Variants in TONSL observed in about 807,000 individuals in gnomAD.
The protein encoded by TONSL is tonsoku like, DNA repair protein.
In TONSL, 112 loss-of-function variants were observed where a neutral mutation model predicts 147.1. That is an observed-to-expected ratio of 0.76 (90% confidence interval 0.65 to 0.89). The LOEUF is 0.89. Among genes scored for constraint, TONSL ranks in the 40% least tolerant of loss-of-function variants. TONSL has a pLI of 0.00. For missense variants in TONSL, 1,883 were observed against 1,864.6 expected (o/e 1.01, Z -0.18); for synonymous variants, 868 against 801.5 (o/e 1.08, Z -1.40).
At position 144,443,213 on chromosome 8, in the gene TONSL, G is replaced by A. The variant is rs1028847297; in HGVS notation, c.373C>T (p.Gln125Ter). The A allele has an allele frequency of 6.4e-7, 1 of 1,550,822 alleles. No homozygotes were observed. Among genetic ancestry groups the A allele is most frequent in the Middle Eastern group, 1.7e-4 (1 of 5,990 alleles). ...GCCTGCAGCAAAGCATCCCTCGACT[G>A]GCAGTGGTCATAGATGTCCAGGTGG... is the stretch of plus-strand genomic sequence containing the variant. ...RTHLDIYDHC[Q>*]SRDALLQAQA... Residue 125 changes from glutamine to a stop codon, truncating the protein, a stop_gained, in exon 4 of 26, where the codon CAG (glutamine) becomes TAG (stop). Transcript: ENST00000409379. LOFTEE classifies it high-confidence loss of function.
chr8:144,431,832 CTTTTT>C (rs35278312), intron 23 of TONSL, among the ~76,000 whole-genome samples: 1 of 124,824 alleles, frequency 8.0e-6, no homozygotes. Flanking sequence ...CTTTTTCTTT[CTTTTT>C]TTTTTTTTTT....
chr8:144,437,192 C>A, intron 13 of TONSL, 93 bp from the exon 14 acceptor site: 1 of 1,324,278 alleles, frequency 7.6e-7, no homozygotes, highest in South Asian at 1.2e-5. Context: ...AGCCCAGGGC[C>A]TCAGTCTTAG....
At chr8:144,442,198 G>C (rs200220424) in intron 6 of TONSL, 43 bp downstream of exon 6, 1 of 1,592,550 alleles carries the variant, frequency 6.3e-7, no homozygotes, top group East Asian at 2.2e-5. Context: ...CCCAAGGCCC[G>C]AATCTACGAG....
chr8:144,438,483 G>A lies in TONSL; in HGVS notation c.1641C>T (p.Asp547=), dbSNP rs1405526449. 6.2e-7 allele frequency: 1 copy of A among 1,612,874 alleles called. No homozygotes were observed. The highest frequency in any genetic ancestry group is 2.2e-5 in the East Asian group (1 of 44,884). The change falls in exon 13 of 26, where the codon GAC becomes GAT. Residue 547 remains aspartate, a synonymous_variant. Transcript: ENST00000409379. ...GAGCGGGGCCCACCTGCCTCACAAG[G>A]TCCTGGACGCGGCGCAGCTGGCCCT... ...CIEGQLRRVQ[D]LVRQGHPLNP...
rs201793264 is a variant in TONSL, at chr8:144,435,617, C to G, written c.2775+41G>C. On this transcript the variant is annotated intron_variant, in intron 17 of 25. Transcript: ENST00000409379. The stretch of plus-strand genomic sequence containing the variant: ...GGGCTCCACCCTACACCTGCCTGCC[C>G]GGAGTGGGGAGAGGGCTCTGCTCCA... The G allele has an allele frequency of 1.7e-4, 273 of 1,577,866 alleles. 1 individual carries two copies. The African/African-American group carries it at 2.1e-3, about 12-fold the overall frequency.
At position 144,440,410 on chromosome 8, in the gene TONSL, C is replaced by T. The variant is rs1224663054; in HGVS notation, c.1231G>A (p.Ala411Thr). The change falls in exon 10 of 26, where the codon GCC becomes ACC. Residue 411 changes from alanine to threonine, a missense_variant. Coordinates refer to ENST00000409379, the MANE Select transcript of TONSL (RefSeq NM_013432.5). The part of the protein sequence containing the change: ...EEAGDAYELL[A>T]PCFQKALSCA... Reference sequence around the variant, plus strand: ...CTGAGCGCTTTCTGGAAGCACGGGGCCAGCAGCTCGTAGGCATCGCCGGCC... The same window carrying T: ...CTGAGCGCTTTCTGGAAGCACGGGGTCAGCAGCTCGTAGGCATCGCCGGCC... 9 of 1,608,710 alleles carry T rather than the reference C, an allele frequency of 5.6e-6. No individual in the cohort carries two copies. Among genetic ancestry groups the T allele is most frequent in the Non-Finnish European group, 7.6e-6 (9 of 1,177,276 alleles).
Position 144,440,419 on chromosome 8 carries a change from C to T in TONSL, c.1222G>A (p.Glu408Lys), listed in dbSNP as rs781444785. 11 of 1,608,226 alleles carry T rather than the reference C, an allele frequency of 6.8e-6. No homozygotes were observed. Among genetic ancestry groups the T allele is most frequent in the South Asian group, 1.1e-5 (1 of 90,878 alleles). Reference protein sequence around the residue: ...LSREEAGDAYELLAPCFQKAL... With the variant: ...LSREEAGDAYKLLAPCFQKAL... Reference sequence around the variant, plus strand: ...TTCTGGAAGCACGGGGCCAGCAGCTCGTAGGCATCGCCGGCCTCCTCGCGG... The same window carrying T: ...TTCTGGAAGCACGGGGCCAGCAGCTTGTAGGCATCGCCGGCCTCCTCGCGG... The change falls in exon 10 of 26, where the codon GAG (glutamate) becomes AAG (lysine). Residue 408 changes from glutamate to lysine, a missense_variant. Glu to Lys is a moderately conservative substitution (Grantham distance 56). Coordinates refer to ENST00000409379, the MANE Select transcript of TONSL (RefSeq NM_013432.5).
intron 22 of TONSL, 178 bp from the exon 23 acceptor site, chr8:144,432,638 G>A (rs1255872501): frequency 1.7e-6 from 1 of 602,846 alleles, no homozygotes; most frequent in Non-Finnish European, 2.6e-6. Flanking sequence ...TGGGAGGGCG[G>A]GGCCAGACTT....
chr8:144,433,554 T>G (rs1554879188), intron 22 of TONSL, 34 bp downstream of exon 22: 2 of 1,608,140 alleles, frequency 1.2e-6, no homozygotes, highest in Non-Finnish European at 1.7e-6. Flanking sequence ...GCCCCAGGGC[T>G]AGGGAGTGGA....
Position 144,443,314 on chromosome 8 carries a change from T to G in TONSL, c.272A>C (p.His91Pro). 1 of 1,549,236 alleles carries G rather than the reference T, an allele frequency of 6.5e-7. No homozygotes were observed. Among genetic ancestry groups the G allele is most frequent in the Non-Finnish European group, 8.7e-7 (1 of 1,145,966 alleles). The change falls in exon 4 of 26, where the codon CAC (histidine) becomes CCC (proline). Residue 91 changes from histidine (H) to proline (P), a missense_variant. His to Pro is a moderately conservative substitution (Grantham distance 77). Transcript: ENST00000409379. ...EDYPAALQHQHQYLELAHSLR... is the reference protein window; with the variant it reads ...EDYPAALQHQPQYLELAHSLR... ...GGAATGTGCCAGCTCCAGGTACTGG[T>G]GCTGGTGCTGAGTGTGGAAGGAAGT...
chr8:144,444,243 C>G lies in TONSL; in HGVS notation c.58G>C (p.Ala20Pro). The change falls in exon 2 of 26, where the codon GCC (alanine) becomes CCC (proline). Residue 20 changes from alanine to proline, a missense_variant. Transcript: ENST00000409379. ...GCGGCCTCTTCGCGCCGCTGCCCGG[C>G]CCTCTGCGCCTTGGCTTTCGCCTTG... ...LSKAKAKAQR[A>P]GQRREEAALC... 6.9e-7 allele frequency: 1 copy of G among 1,456,232 alleles called. No individual in the cohort carries two copies. Among genetic ancestry groups the G allele is most frequent in the Non-Finnish European group, 9.0e-7 (1 of 1,106,752 alleles). 90.2% of individuals were successfully genotyped at this position (1,456,232 alleles called of 1,614,324 possible).
chr8:144,435,223 C>A, intron 18 of TONSL, 53 bp from the exon 19 acceptor site: 1 of 1,443,202 alleles, frequency 6.9e-7, no homozygotes, highest in South Asian at 1.4e-5. Flanking sequence ...GGGGTAATGC[C>A]CCAGGGACCC....
At position 144,434,213 on chromosome 8, in the gene TONSL, G is replaced by A. The variant is rs782068149; in HGVS notation, c.3152C>T (p.Ser1051Phe). The change falls in exon 21 of 26, where the codon TCC (serine) becomes TTC (phenylalanine). Residue 1051 changes from serine (S) to phenylalanine (F), a missense_variant. Physicochemically the swap from Ser to Phe is radical, Grantham distance 155. Transcript: ENST00000409379. ...AAGCTGGGCCTGGTCCAGGGCCAGG[G>A]AGCAGGCGCTGAACGAGAGGCCCAA... ...QGLGLSFSAC[S>F]LALDQAQLTP... 85 of 1,567,266 alleles carry A rather than the reference G, an allele frequency of 5.4e-5. No homozygotes were observed. The highest frequency in any genetic ancestry group is 4.4e-4 in the Admixed American group (24 of 54,660).
chr8:144,440,901 G>C lies in TONSL; in HGVS notation c.1012-31C>G, dbSNP rs775558439. On this transcript the variant is annotated intron_variant, in intron 8 of 25. Coordinates refer to ENST00000409379, the MANE Select transcript of TONSL (RefSeq NM_013432.5). ...GGCAGTGCCAGTGAGGCCAGGGGCT[G>C]CCACCCTGGCCAGGCCTCGTCAACC... The C allele has an allele frequency of 4.3e-6, 7 of 1,612,406 alleles. No individual in the cohort carries two copies. In the East Asian group the frequency reaches 1.3e-4, roughly 31 times the overall value.
chr8:144,442,428 G>A lies in TONSL; in HGVS notation c.579-16C>T, dbSNP rs776832691. 1.4e-5 allele frequency: 22 copies of A among 1,527,750 alleles called. No individual in the cohort carries two copies. The highest frequency in any genetic ancestry group is 7.9e-5 in the Admixed American group (4 of 50,570). The allele number at this position is 1,527,750 out of a possible 1,614,324, so 94.6% of individuals were successfully genotyped here. ...GTGGTTCTGCCTGCAGAGGGGTGAC[G>A]ACCACTGAGCACCCAGGAGTGTCCA... On this transcript the variant is annotated splice_polypyrimidine_tract_variant and intron_variant, in intron 5 of 25. Transcript: ENST00000409379.
intron 20 of TONSL, 36 bp from the exon 21 acceptor site, chr8:144,434,315 G>A (rs782203937): frequency 1.6e-5 from 24 of 1,465,038 alleles, no homozygotes; most frequent in Admixed American, 1.1e-4. Flanking sequence ...GGGTAAGGCC[G>A]GCCCTTTCTG....
chr8:144,436,439 G>A (rs749887389), intron 16 of TONSL, 21 bp from the exon 17 acceptor site: 1 of 1,526,716 alleles, frequency 6.6e-7, no homozygotes, highest in Non-Finnish European at 8.8e-7. Flanking sequence ...GAGAATGCGT[G>A]TTGAGGCAGG....
At chr8:144,442,527 T>C (rs1823758494) in intron 5 of TONSL, 115 bp from the exon 6 acceptor site, 2 of 1,478,698 alleles carry the variant, frequency 1.4e-6, no homozygotes, top group Non-Finnish European at 1.8e-6. Context: ...TGCCTGGCCT[T>C]CTCCCAGTGT....
chr8:144,443,512 G>A (rs891424270), intron 3 of TONSL, among the ~76,000 whole-genome samples, 191 bp from the exon 4 acceptor site: 2 of 152,250 alleles, frequency 1.3e-5, no homozygotes, highest in African/African-American at 4.8e-5. Context: ...GTGGCTTCAC[G>A]CTGTATGCAG....
Sources: gnomAD v4.1 joint callset for allele counts (sites outside exome capture counted in the v4.1 genomes callset) on GRCh38, gnomAD v4.1.1 for gene constraint, MANE v1.5 for transcripts, NCBI Gene and HGNC (gene_info 2026-07-23, HGNC 2026-07-21) for gene names.